FHIP1A: variants seen among roughly 807,000 people sequenced by gnomAD.
FHIP1A encodes the protein FHF complex subunit HOOK-interacting protein 1A.
FHIP1A carries 61 observed loss-of-function variants against 88.6 expected under a neutral mutation model. The observed-to-expected ratio is 0.69, with a 90% CI of 0.56 to 0.85. FHIP1A has a LOEUF of 0.85. FHIP1A is among the 40% of genes least tolerant of loss of function. The pLI, the probability that FHIP1A is intolerant of heterozygous loss-of-function variation, is 0.00. For missense variants in FHIP1A, 1,154 were observed against 1,273.5 expected (o/e 0.91, Z 1.43); for synonymous variants, 478 against 496.0 (o/e 0.96, Z 0.48).
At chr4:151,569,684 G>A (rs1427655537) in intron 4 of FHIP1A, among the ~76,000 whole-genome samples, 1 of 152,126 alleles carries the variant, frequency 6.6e-6, no homozygotes, top group Non-Finnish European at 1.5e-5. Context: ...TTTGTTAATA[G>A]CCTCTTTTCC....
At chr4:151,549,975 A>C (rs1049481470) in intron 3 of FHIP1A, among the ~76,000 whole-genome samples, 1 of 152,186 alleles carries the variant, frequency 6.6e-6, no homozygotes, top group Non-Finnish European at 1.5e-5. Flanking sequence ...TAATCAGAAG[A>C]CTTGAAAAAT....
At chr4:151,457,471 G>A (rs1454286582) in intron 2 of FHIP1A, among the ~76,000 whole-genome samples, 1 of 152,138 alleles carries the variant, frequency 6.6e-6, no homozygotes, top group African/African-American at 2.4e-5. Context: ...TACCAGGAAA[G>A]GGAGAGAGGG....
At chr4:151,559,356 G>C (rs1195609996) in intron 3 of FHIP1A, among the ~76,000 whole-genome samples, 1 of 152,172 alleles carries the variant, frequency 6.6e-6, no homozygotes, top group African/African-American at 2.4e-5. Context: ...ATGGTACAAA[G>C]TTCAAAAAGT....
At position 151,482,504 on chromosome 4, in the gene FHIP1A, A is replaced by C. The variant is rs901069261; in HGVS notation, c.-247-20A>C. The C allele has an allele frequency of 6.6e-5, 10 of 151,988 alleles. No homozygotes were observed. The highest frequency in any genetic ancestry group is 1.9e-4 in the East Asian group (1 of 5,186). The allele number at this position is 151,988 out of a possible 1,614,324, so 9.4% of individuals were successfully genotyped here. ...TGGATTTTGCAGTTTATTAATTATT[A>C]TTTTTATTCCTCTTCATAGATTTTT... On this transcript the variant is annotated intron_variant, in intron 2 of 13. Transcript: ENST00000435205.
intron 3 of FHIP1A, among the ~76,000 whole-genome samples, chr4:151,520,911 G>A (rs748538107): frequency 6.6e-6 from 1 of 152,132 alleles, no homozygotes. Context: ...GTAATATATT[G>A]TAAACATGTA....
At chr4:151,633,654 G>A (rs1359372410) in intron 8 of FHIP1A, among the ~76,000 whole-genome samples, 1 of 151,876 alleles carries the variant, frequency 6.6e-6, no homozygotes, top group Non-Finnish European at 1.5e-5. Context: ...TTCACCATAT[G>A]AAAGTCAGTC....
At position 151,646,585 on chromosome 4, in the gene FHIP1A, G is replaced by A. The variant is rs1346993914; in HGVS notation, c.1254G>A (p.Met418Ile). 3 of 1,551,420 alleles carry A rather than the reference G, an allele frequency of 1.9e-6. No homozygotes were observed. Among genetic ancestry groups the A allele is most frequent in the Non-Finnish European group, 2.6e-6 (3 of 1,146,914 alleles). The change falls in exon 10 of 14, where the codon ATG becomes ATA. Residue 418 changes from methionine to isoleucine, a missense_variant. Physicochemically the swap from Met to Ile is conservative, Grantham distance 10 (BLOSUM62 1). Transcript: ENST00000435205. ...ATCTGATCCCCTGCAATCACATGAT[G>A]CTGAGTCAGAGGTGGGCTGTGAAGG... ...LRYLIPCNHM[M>I]LSQRWAVKER...
In FHIP1A at chr4:151,542,508, TTC is replaced by T. The variant is rs747148352; in HGVS notation, c.-122-23617_-122-23616del. On this transcript the variant is annotated intron_variant, in intron 3 of 13. Coordinates refer to ENST00000435205, the MANE Select transcript of FHIP1A (RefSeq NM_001109977.3). ...TGTACTACCTGCTTTACCTGCAGTATTCTCTCTCTCTCTCAACAGCCTCGTTT... is the reference window on the plus strand; with the variant it reads ...TGTACTACCTGCTTTACCTGCAGTATTCTCTCTCTCTCAACAGCCTCGTTT... Among the ~76,000 whole-genome samples, 10 of 152,028 alleles carry T rather than the reference TTC, an allele frequency of 6.6e-5. No homozygotes were observed. The South Asian group carries it at 2.1e-3, about 32-fold the overall frequency.
chr4:151,492,887 A>C (rs1345250953), intron 3 of FHIP1A, among the ~76,000 whole-genome samples: 1 of 152,186 alleles, frequency 6.6e-6, no homozygotes, highest in Non-Finnish European at 1.5e-5. Flanking sequence ...AAAGTCTGAA[A>C]GAGCACAAAT....
intron 3 of FHIP1A, among the ~76,000 whole-genome samples, chr4:151,507,298 AT>A (rs1450255009): frequency 2.0e-5 from 3 of 152,036 alleles, no homozygotes; most frequent in African/African-American, 7.2e-5. Flanking sequence ...TAATTTTTAA[AT>A]TTTTTGTAGT....
rs112124042 is a variant in FHIP1A at position 151,608,772 on chromosome 4, C to T, written c.978+19846C>T. Among the ~76,000 whole-genome samples, 482 of 152,324 alleles carry T rather than the reference C, an allele frequency of 3.2e-3. 2 individuals carry two copies. The highest frequency in any genetic ancestry group is 0.011 in the African/African-American group (469 of 41,570). ...GTCAGCCTCCCAAGACTGTGGTGGA[C>T]ATCAGATGATGTCAGATAAAAGCAC... On this transcript the variant is annotated intron_variant, in intron 7 of 13. Transcript: ENST00000435205.
intron 7 of FHIP1A, among the ~76,000 whole-genome samples, chr4:151,596,213 A>G (rs1734642053): frequency 6.6e-6 from 1 of 152,160 alleles, no homozygotes; most frequent in African/African-American, 2.4e-5. Context: ...CTTGTAAGGC[A>G]GGCCTGGTGG....
chr4:151,642,413 C>T (rs772479161), intron 9 of FHIP1A, among the ~76,000 whole-genome samples: 3 of 151,958 alleles, frequency 2.0e-5, no homozygotes, highest in Non-Finnish European at 2.9e-5. Context: ...ACTTCAGGAA[C>T]ATTTTCATCT....
intron 2 of FHIP1A, among the ~76,000 whole-genome samples, chr4:151,472,256 C>T (rs1390851253): frequency 6.6e-6 from 1 of 152,110 alleles, no homozygotes; most frequent in Non-Finnish European, 1.5e-5. Context: ...TAACTTAAAA[C>T]AGCTCTTTTC....
chr4:151,582,302 G>GTT (rs1734054542), intron 5 of FHIP1A, among the ~76,000 whole-genome samples: 2 of 151,562 alleles, frequency 1.3e-5, no homozygotes, highest in African/African-American at 4.8e-5. Flanking sequence ...ATCATTAGAT[G>GTT]TTTAAAGTTA....
intron 1 of FHIP1A, among the ~76,000 whole-genome samples, chr4:151,410,343 A>C (rs79602218): frequency 4.6e-5 from 7 of 152,126 alleles, no homozygotes; most frequent in African/African-American, 1.4e-4. Context: ...GACAGCTTTC[A>C]GGAGGAGGAG....
chr4:151,614,791 G>A (rs1487811488), intron 7 of FHIP1A, among the ~76,000 whole-genome samples: 1 of 152,210 alleles, frequency 6.6e-6, no homozygotes, highest in Non-Finnish European at 1.5e-5. Context: ...GCTTCTCTGA[G>A]TGGCAGCTTA....
At chr4:151,583,251 C>T (rs547797215) in intron 5 of FHIP1A, among the ~76,000 whole-genome samples, 14 of 152,268 alleles carry the variant, frequency 9.2e-5, no homozygotes, top group Admixed American at 5.9e-4. Flanking sequence ...CTCTTTATTC[C>T]GCAGAATATT....
At chr4:151,473,682 T>C (rs537430356) in intron 2 of FHIP1A, among the ~76,000 whole-genome samples, 1 of 152,314 alleles carries the variant, frequency 6.6e-6, no homozygotes, top group South Asian at 2.1e-4. Flanking sequence ...TTTCCTCCTT[T>C]CACTATCCTG....
Sources: allele counts gnomAD v4.1 joint callset (sites outside exome capture counted in the v4.1 genomes callset), GRCh38; gene constraint gnomAD v4.1.1; transcripts MANE v1.5; gene names NCBI Gene and HGNC (gene_info 2026-07-23, HGNC 2026-07-21).